The following CACHD1 variants were observed in gnomAD, a reference collection of about 807,000 sequenced individuals.
The protein encoded by CACHD1 is cache domain containing 1.
In CACHD1, 71 loss-of-function variants were observed where a neutral mutation model predicts 138.7. That is an observed-to-expected ratio of 0.51 (90% CI 0.42 to 0.62). The LOEUF (loss-of-function observed/expected upper bound fraction) is 0.62. Among genes scored for constraint, CACHD1 ranks in the 20% least tolerant of loss-of-function variants. The pLI, the probability that CACHD1 is intolerant of heterozygous loss-of-function variation, is 0.00. For missense variants in CACHD1, 1,389 were observed against 1,625.3 expected (o/e 0.85, Z 2.50); for synonymous variants, 578 against 591.5 (o/e 0.98, Z 0.33).
intron 19 of CACHD1, among the ~76,000 whole-genome samples, chr1:64,674,567 T>C (rs937721808): frequency 2.0e-5 from 3 of 152,194 alleles, no homozygotes; most frequent in Non-Finnish European, 4.4e-5. Context: ...ATGTTACTGC[T>C]TATGTTCTAG....
chr1:64,654,703 A>G lies in CACHD1; in HGVS notation c.1682A>G (p.Gln561Arg). The G allele has an allele frequency of 6.2e-7, 1 of 1,613,510 alleles. No individual in the cohort carries two copies. The highest frequency in any genetic ancestry group is 8.5e-7 in the Non-Finnish European group (1 of 1,179,536). Residue 561 changes from glutamine (Q) to arginine (R), a missense_variant, in exon 12 of 27, where the codon CAG (glutamine) becomes CGG (arginine). Transcript: ENST00000651257. ...CAACACAGCCTCCCTCTGGGCAGCC[A>G]GATTATCGCAGTCCCTGTGAACTCA... ...QNILSLPLGSQIIAVPVNSSL... is the reference protein window; with the variant it reads ...QNILSLPLGSRIIAVPVNSSL...
intron 2 of CACHD1, among the ~76,000 whole-genome samples, chr1:64,569,612 C>G (rs1314147764): frequency 6.6e-6 from 1 of 152,186 alleles, no homozygotes; most frequent in Non-Finnish European, 1.5e-5. Flanking sequence ...AGCTCCCACT[C>G]TGGTGTGCCT....
At chr1:64,573,569 A>G (rs904584114) in intron 2 of CACHD1, among the ~76,000 whole-genome samples, 39 of 152,236 alleles carry the variant, frequency 2.6e-4, no homozygotes, top group African/African-American at 9.2e-4. Context: ...GGCTTGAACC[A>G]GATATGAGTA....
intron 24 of CACHD1, among the ~76,000 whole-genome samples, chr1:64,680,080 GAC>G (rs1650122004): frequency 6.6e-6 from 1 of 152,222 alleles, no homozygotes; most frequent in African/African-American, 2.4e-5. Context: ...ATTCCAAAAA[GAC>G]AGGCAAATCA....
intron 1 of CACHD1, among the ~76,000 whole-genome samples, chr1:64,480,459 T>G (rs1053340136): frequency 3.3e-5 from 5 of 152,204 alleles, no homozygotes; most frequent in Admixed American, 1.3e-4. Context: ...AAGTTTGGCT[T>G]AATGATTTAA....
intron 1 of CACHD1, among the ~76,000 whole-genome samples, chr1:64,487,260 C>T (rs1237099386): frequency 1.3e-5 from 2 of 152,166 alleles, no homozygotes; most frequent in Admixed American, 1.3e-4. Context: ...CTGTCACCCC[C>T]TGGCTGTCAG....
chr1:64,480,523 G>A (rs1646202246), intron 1 of CACHD1, among the ~76,000 whole-genome samples: 1 of 152,032 alleles, frequency 6.6e-6, no homozygotes, highest in African/African-American at 2.4e-5. Flanking sequence ...AGATTTTTAA[G>A]TTGTTAAATA....
In CACHD1 at chr1:64,641,910, A is replaced by G. The variant is rs762523710; in HGVS notation, c.1097A>G (p.Asn366Ser). 64 of 1,607,092 alleles carry G rather than the reference A, an allele frequency of 4.0e-5. 1 individual carries two copies. In the East Asian group the frequency reaches 7.6e-4, roughly 19 times the overall value. ...AAAAAAGCGACTCTCCAAGTCATCA[A>G]TGAAGAAAATAGCTTTCTAAACAAC... ...EDKKATLQVI[N>S]EENSFLNNSV... Residue 366 changes from asparagine (N) to serine (S), a missense_variant, in exon 8 of 27, where the codon AAT becomes AGT. Around this residue, in one of 5 missense-constraint regions of CACHD1, gnomAD observed 1,000 missense variants for 1,114.7 expected, o/e 0.90. Coordinates refer to ENST00000651257, the MANE Select transcript of CACHD1 (RefSeq NM_020925.4).
intron 3 of CACHD1, among the ~76,000 whole-genome samples, chr1:64,590,046 G>A (rs1359573068): frequency 6.6e-6 from 1 of 152,082 alleles, no homozygotes; most frequent in Non-Finnish European, 1.5e-5. Flanking sequence ...AGTGGCTCAC[G>A]CCTGTAATCC....
chr1:64,512,299 C>T (rs935674870), intron 1 of CACHD1, among the ~76,000 whole-genome samples: 10 of 148,180 alleles, frequency 6.7e-5, no homozygotes, highest in African/African-American at 2.3e-4. Context: ...GAGGCTGAGT[C>T]ACAAGAATGG....
intron 1 of CACHD1, among the ~76,000 whole-genome samples, chr1:64,474,652 T>C (rs1052873760): frequency 2.6e-5 from 4 of 152,340 alleles, no homozygotes; most frequent in Middle Eastern, 3.4e-3. Context: ...GAGTTTACAT[T>C]CTCGAGGAGG....
At chr1:64,615,468 G>A (rs1647678147) in intron 4 of CACHD1, among the ~76,000 whole-genome samples, 1 of 152,190 alleles carries the variant, frequency 6.6e-6, no homozygotes, top group African/African-American at 2.4e-5. Flanking sequence ...TCTTACTGCA[G>A]ATTTTTGATT....
intron 1 of CACHD1, among the ~76,000 whole-genome samples, chr1:64,494,853 T>C (rs1218650294): frequency 6.6e-6 from 1 of 152,212 alleles, no homozygotes; most frequent in East Asian, 1.9e-4. Flanking sequence ...AAATGACTTA[T>C]CTAAGATGTG....
intron 1 of CACHD1, among the ~76,000 whole-genome samples, chr1:64,535,939 T>C (rs1249045094): frequency 1.3e-5 from 2 of 152,270 alleles, no homozygotes; most frequent in East Asian, 3.9e-4. Context: ...AAATCCAATT[T>C]ATGCAACTGT....
In CACHD1 at chr1:64,675,534, T is replaced by G; in HGVS notation, c.2861T>G (p.Val954Gly). 6.2e-7 allele frequency: 1 copy of G among 1,612,640 alleles called. No homozygotes were observed. The highest frequency in any genetic ancestry group is 2.2e-5 in the East Asian group (1 of 44,854). ...DSLAFCACSM[V>G]DRLCLNCHRM... ...CTTGCCTTCTGTGCCTGCAGCATGG[T>G]GGACCGACTCTGTCTCAACTGTCAC... Residue 954 changes from valine (V) to glycine (G), a missense_variant, in exon 20 of 27, where the codon GTG becomes GGG. Around this residue, in one of 5 missense-constraint regions of CACHD1, gnomAD observed 50 missense variants for 108.2 expected, o/e 0.46. Transcript: ENST00000651257.
At chr1:64,688,255 T>G (rs1402394460) in intron 26 of CACHD1, among the ~76,000 whole-genome samples, 2 of 152,174 alleles carry the variant, frequency 1.3e-5, no homozygotes, top group Non-Finnish European at 2.9e-5. Flanking sequence ...GCTAAAATCC[T>G]GTTTTCTACT....
Position 64,495,592 on chromosome 1 carries a change from C to T in CACHD1, c.198+24650C>T, listed in dbSNP as rs536794587. On this transcript the variant is annotated intron_variant, in intron 1 of 26. Coordinates refer to ENST00000651257, the MANE Select transcript of CACHD1 (RefSeq NM_020925.4). Reference sequence around the variant, plus strand: ...ATTGAAGTTGGCAGATAAACTTTGCCCTCAGTTCTTGATAGGGAGAGAGAT... The same window carrying T: ...ATTGAAGTTGGCAGATAAACTTTGCTCTCAGTTCTTGATAGGGAGAGAGAT... Among the ~76,000 whole-genome samples the T allele has an allele frequency of 4.6e-5, 7 of 152,224 alleles. No individual in the cohort carries two copies. In the South Asian group the frequency reaches 1.0e-3, roughly 23 times the overall value.
At chr1:64,554,839 T>C (rs1198960165) in intron 2 of CACHD1, among the ~76,000 whole-genome samples, 2 of 152,198 alleles carry the variant, frequency 1.3e-5, no homozygotes, top group Non-Finnish European at 2.9e-5. Context: ...GTAACTGAAA[T>C]GTGTCTAGAG....
chr1:64,528,757 T>G (rs1266065433), intron 1 of CACHD1, among the ~76,000 whole-genome samples: 1 of 152,154 alleles, frequency 6.6e-6, no homozygotes, highest in Non-Finnish European at 1.5e-5. Flanking sequence ...ACATTTTTTT[T>G]TGTGGGATCT....
Sources: gnomAD v4.1 joint callset for allele counts (sites outside exome capture counted in the v4.1 genomes callset) on GRCh38, gnomAD v4.1.1 for gene constraint, gnomAD v4.1.1 regional missense constraint, MANE v1.5 for transcripts, NCBI Gene and HGNC (gene_info 2026-07-23, HGNC 2026-07-21) for gene names.